Variants in LRRC4C observed in about 807,000 individuals in gnomAD.
LRRC4C encodes the protein leucine-rich repeat-containing protein 4C.
LRRC4C carries 5 observed loss-of-function variants against 33.6 expected under a neutral mutation model. The ratio of observed to expected loss-of-function variants is 0.15; its 90% CI spans 0.08 to 0.31. The LOEUF is 0.31. Among genes scored for constraint, LRRC4C ranks in the 10% least tolerant of loss-of-function variants. The pLI is 1.00. For synonymous variants in LRRC4C, 329 were observed against 302.0 expected (o/e 1.09, Z -0.93); for missense variants, 560 against 796.7 (o/e 0.70, Z 3.58).
chr11:40,948,326 G>A (rs1958508162), intron 1 of LRRC4C, among the ~76,000 whole-genome samples: 1 of 152,018 alleles, frequency 6.6e-6, no homozygotes, highest in Non-Finnish European at 1.5e-5. Context: ...ATTTCTGTAA[G>A]AGGAAAATTT....
At chr11:40,335,708 G>C (rs1347177030) in intron 3 of LRRC4C, among the ~76,000 whole-genome samples, 1 of 152,066 alleles carries the variant, frequency 6.6e-6, no homozygotes, top group Non-Finnish European at 1.5e-5. Flanking sequence ...TTTTTATAAG[G>C]GTGCCTATCT....
rs1456325870 is a variant in LRRC4C, at chr11:41,163,298, T to TTTTTTTTTTTTTTTC, written c.-495-229576_-495-229575insGAAAAAAAAAAAAAA. On this transcript the variant is annotated intron_variant, in intron 1 of 6. Transcript: ENST00000528697. ...TTACTGTAACTGTTTTTTTTTTTTT[T>TTTTTTTTTTTTTTTC]TTTCAAACAGGGTCTTGCTCTGTCA... Among the ~76,000 whole-genome samples, 2 of 132,952 alleles carry TTTTTTTTTTTTTTTC rather than the reference T, an allele frequency of 1.5e-5. 1 individual carries two copies. Among genetic ancestry groups the TTTTTTTTTTTTTTTC allele is most frequent in the Non-Finnish European group, 3.2e-5 (2 of 62,022 alleles). The allele number at this position is 132,952 out of a possible 152,430, so 87.2% of individuals were successfully genotyped here.
intron 2 of LRRC4C, among the ~76,000 whole-genome samples, chr11:40,671,320 G>T (rs926847723): frequency 1.6e-4 from 24 of 152,046 alleles, no homozygotes; most frequent in Non-Finnish European, 3.1e-4. Context: ...GTTTTAATTT[G>T]GAAATATTTA....
intron 3 of LRRC4C, among the ~76,000 whole-genome samples, chr11:40,524,929 TAGAG>T (rs754816344): frequency 1.3e-5 from 2 of 152,150 alleles, no homozygotes; most frequent in African/African-American, 2.4e-5. Context: ...GTAGATTAAA[TAGAG>T]AGATGTTATC....
At chr11:40,343,744 A>G (rs1253631861) in intron 3 of LRRC4C, among the ~76,000 whole-genome samples, 1 of 150,592 alleles carries the variant, frequency 6.6e-6, no homozygotes, top group Non-Finnish European at 1.5e-5. Flanking sequence ...ACAGAGATAG[A>G]CTGTTAGCTA....
intron 3 of LRRC4C, among the ~76,000 whole-genome samples, chr11:40,647,797 C>T (rs1942556447): frequency 6.6e-6 from 1 of 152,164 alleles, no homozygotes; most frequent in African/African-American, 2.4e-5. Flanking sequence ...CCAAGAAGGA[C>T]AATCTGCCAC....
chr11:40,486,697 C>T (rs994840914), intron 3 of LRRC4C, among the ~76,000 whole-genome samples: 1 of 151,906 alleles, frequency 6.6e-6, no homozygotes, highest in African/African-American at 2.4e-5. Flanking sequence ...TATTTCCAAC[C>T]TTTCAATTGG....
intron 5 of LRRC4C, among the ~76,000 whole-genome samples, chr11:40,202,363 T>A (rs1862825543): frequency 6.6e-6 from 1 of 151,746 alleles, no homozygotes; most frequent in African/African-American, 2.4e-5. Flanking sequence ...CCCCAACTTA[T>A]CCTCTAACCT....
intron 4 of LRRC4C, among the ~76,000 whole-genome samples, chr11:40,289,779 A>G (rs1016108627): frequency 3.3e-5 from 5 of 152,208 alleles, no homozygotes; most frequent in African/African-American, 1.2e-4. Context: ...ATGATTTGCC[A>G]GTATGAAAGA....
intron 2 of LRRC4C, among the ~76,000 whole-genome samples, chr11:40,871,964 G>T (rs979739510): frequency 1.3e-5 from 2 of 152,062 alleles, no homozygotes; most frequent in Non-Finnish European, 2.9e-5. Context: ...TCCAGGCCAG[G>T]CTTTCCCAGA....
rs116278637 is a variant in LRRC4C at position 40,297,488 on chromosome 11, T to C, written c.-176+22140A>G. ...TACATTAGATAATATTCTATAGATA[T>C]TGTATTTTGGAACTAGATGATATCC... On this transcript the variant is annotated intron_variant, in intron 4 of 6. Coordinates refer to ENST00000528697, the MANE Select transcript of LRRC4C (RefSeq NM_001258419.2). 6.6e-3 allele frequency among the ~76,000 whole-genome samples: 1,005 copies of C among 152,302 alleles called. 10 individuals are homozygous for C. Among genetic ancestry groups the C allele is most frequent in the African/African-American group, 0.022 (935 of 41,560 alleles).
rs996104814 is a variant in LRRC4C, at chr11:40,593,796, C to A, written c.-270+54346G>T. 2.0e-5 allele frequency among the ~76,000 whole-genome samples: 3 copies of A among 151,996 alleles called. No individual in the cohort carries two copies. The South Asian group carries it at 6.2e-4, about 31-fold the overall frequency. Reference sequence around the variant, plus strand: ...TAATAAGATTGAAAACTCTTTTTTCCACATTTTTTAAAAACCCATGTCACT... The same window carrying A: ...TAATAAGATTGAAAACTCTTTTTTCAACATTTTTTAAAAACCCATGTCACT... On this transcript the variant is annotated intron_variant, in intron 3 of 6. Transcript: ENST00000528697.
chr11:40,371,738 TAATAA>T (rs1413825639), intron 3 of LRRC4C, among the ~76,000 whole-genome samples: 1 of 152,158 alleles, frequency 6.6e-6, no homozygotes, highest in Non-Finnish European at 1.5e-5. Flanking sequence ...TGTAAGAATA[TAATAA>T]GTGCTAGGAT....
rs183571473 is a variant in LRRC4C, at chr11:41,406,251, T to C, written c.-496+53180A>G. 5.9e-3 allele frequency among the ~76,000 whole-genome samples: 892 copies of C among 152,180 alleles called. 8 individuals carry two copies. Among genetic ancestry groups the C allele is most frequent in the African/African-American group, 0.021 (860 of 41,512 alleles). On this transcript the variant is annotated intron_variant, in intron 1 of 6. Coordinates refer to ENST00000528697, the MANE Select transcript of LRRC4C (RefSeq NM_001258419.2). ...TAAGCAGATTTTTAAAAGGTAAAATTTTTGCTATAAAGAAGAAAAAGCTGA... is the reference window on the plus strand; with the variant it reads ...TAAGCAGATTTTTAAAAGGTAAAATCTTTGCTATAAAGAAGAAAAAGCTGA...
chr11:41,059,210 G>GTTTTTTTTTTTTT (rs397935483), intron 1 of LRRC4C, among the ~76,000 whole-genome samples: 3,027 of 124,782 alleles, frequency 0.024, 96 homozygotes, highest in African/African-American at 0.039. Context: ...TAAAATAAAA[G>GTTTTTTTTTTTTT]TTTTTTTTTT....
chr11:41,422,936 C>G (rs1954921855), intron 1 of LRRC4C, among the ~76,000 whole-genome samples: 3 of 152,070 alleles, frequency 2.0e-5, no homozygotes, highest in Admixed American at 2.0e-4. Context: ...ATTTTCTACA[C>G]TATGCCATAC....
chr11:40,734,133 T>C (rs1947739584), intron 2 of LRRC4C, among the ~76,000 whole-genome samples: 1 of 152,136 alleles, frequency 6.6e-6, no homozygotes. Context: ...CAGATAATTG[T>C]TTAAGATATC....
At chr11:41,117,570 T>C (rs1218656450) in intron 1 of LRRC4C, among the ~76,000 whole-genome samples, 1 of 152,174 alleles carries the variant, frequency 6.6e-6, no homozygotes, top group Non-Finnish European at 1.5e-5. Context: ...AGCATTGATG[T>C]CATCATTATT....
chr11:40,977,347 GTAC>G (rs1268419020), intron 1 of LRRC4C, among the ~76,000 whole-genome samples: 1 of 152,146 alleles, frequency 6.6e-6, no homozygotes, highest in East Asian at 1.9e-4. Context: ...GAGTTTGCAT[GTAC>G]CACCAATTTT....
Sources: allele counts gnomAD v4.1 joint callset (sites outside exome capture counted in the v4.1 genomes callset), GRCh38; gene constraint gnomAD v4.1.1; transcripts MANE v1.5; gene names NCBI Gene and HGNC (gene_info 2026-07-23, HGNC 2026-07-21).